Variants in SNX16 observed in about 807,000 individuals in gnomAD.
SNX16 encodes sorting nexin 16.
A neutral mutation model predicts 36.7 loss-of-function variants in SNX16; 35 were observed. The observed-to-expected ratio is 0.95, with a 90% CI of 0.73 to 1.27. The LOEUF is 1.27. SNX16 is among the 50% of genes most tolerant of loss of function. The pLI is 0.00. For missense variants in SNX16, 367 were observed against 393.6 expected, an observed-to-expected ratio of 0.93 and a Z score of 0.57; for synonymous variants, 134 against 132.0, an observed-to-expected ratio of 1.02 and a Z score of -0.10.
In SNX16 at chr8:81,817,031, T is replaced by G. The variant is rs186858473; in HGVS notation, c.612-1637A>C. ...GCTTCTATCCACCCATTATTTATAC[T>G]GGGGCACCTGCTATTACATACAAAT... is the stretch of plus-strand genomic sequence containing the variant. On this transcript the variant is annotated intron_variant, in intron 4 of 7. Coordinates refer to ENST00000345957, the MANE Select transcript of SNX16 (RefSeq NM_152836.3). Among the ~76,000 whole-genome samples, 9 of 152,294 alleles carry G rather than the reference T, an allele frequency of 5.9e-5. No individual in the cohort carries two copies. In the East Asian group the frequency reaches 1.7e-3, roughly 29 times the overall value.
chr8:81,815,291 C>G, intron 5 of SNX16, 34 bp downstream of exon 5: 2 of 1,514,778 alleles, frequency 1.3e-6, no homozygotes, highest in Non-Finnish European at 1.8e-6. Flanking sequence ...ATTAATTGTT[C>G]CTCTTTTCAT....
intron 2 of SNX16, among the ~76,000 whole-genome samples, chr8:81,832,430 G>A (rs1377601696): frequency 6.6e-6 from 1 of 152,086 alleles, no homozygotes; most frequent in African/African-American, 2.4e-5. Flanking sequence ...AGGATGAAGG[G>A]GGGAAGGAGT....
intron 5 of SNX16, among the ~76,000 whole-genome samples, chr8:81,809,891 T>G (rs978503811): frequency 3.9e-5 from 6 of 152,160 alleles, no homozygotes; most frequent in African/African-American, 1.2e-4. Context: ...GGGAGGTACC[T>G]TAGGAAAAAT....
intron 7 of SNX16, 102 bp downstream of exon 7, chr8:81,802,278 T>C (rs1809734653): frequency 1.3e-6 from 1 of 777,512 alleles, no homozygotes; most frequent in Non-Finnish European, 1.8e-6. Context: ...AGATTCGTGA[T>C]ACAGTAACAC....
chr8:81,836,213 G>C (rs1024899756), intron 2 of SNX16, among the ~76,000 whole-genome samples: 1 of 152,120 alleles, frequency 6.6e-6, no homozygotes, highest in Non-Finnish European at 1.5e-5. Context: ...CCTTTTTAAA[G>C]ACTAGACACC....
intron 5 of SNX16, among the ~76,000 whole-genome samples, chr8:81,806,995 T>G (rs936859376): frequency 1.2e-4 from 18 of 152,006 alleles, no homozygotes; most frequent in Non-Finnish European, 2.4e-4. Flanking sequence ...ATAGGAAGAT[T>G]CAATACTATA....
rs578156953 is a variant in SNX16 at position 81,808,726 on chromosome 8, G to T, written c.682-5498C>A. 1.0e-5 allele frequency: 12 copies of T among 1,147,478 alleles called. No individual in the cohort carries two copies. In the African/African-American group the frequency reaches 1.5e-4, roughly 14 times the overall value. The allele number at this position is 1,147,478 out of a possible 1,614,324, so 71.1% of individuals were successfully genotyped here. On this transcript the variant is annotated intron_variant, in intron 5 of 7. Coordinates refer to ENST00000345957, the MANE Select transcript of SNX16 (RefSeq NM_152836.3). ...AGCCGTAGCTATGGCAGTGGCAGAAGATTTTAATTAGGAAACAAAGCTCAG... is the reference window on the plus strand; with the variant it reads ...AGCCGTAGCTATGGCAGTGGCAGAATATTTTAATTAGGAAACAAAGCTCAG...
Position 81,828,970 on chromosome 8 carries a change from G to A in SNX16, c.462+460C>T, listed in dbSNP as rs554213018. 1.1e-4 allele frequency among the ~76,000 whole-genome samples: 16 copies of A among 152,244 alleles called. 1 individual carries two copies. Among genetic ancestry groups the A allele is most frequent in the Admixed American group, 1.0e-3 (16 of 15,292 alleles). Reference sequence around the variant, plus strand: ...AGGTAATTCTCCTCCAGAGCCTCCAGATAAGTGCCCAGCCCAGCTAACAGC... The same window carrying A: ...AGGTAATTCTCCTCCAGAGCCTCCAAATAAGTGCCCAGCCCAGCTAACAGC... On this transcript the variant is annotated intron_variant, in intron 3 of 7. Transcript: ENST00000345957.
At chr8:81,831,953 T>C (rs1443657268) in intron 2 of SNX16, among the ~76,000 whole-genome samples, 1 of 152,172 alleles carries the variant, frequency 6.6e-6, no homozygotes, top group African/African-American at 2.4e-5. Context: ...AGCACTTATA[T>C]ATTGCTGGTA....
chr8:81,803,875 G>A lies in SNX16; in HGVS notation c.682-647C>T, dbSNP rs542989162. Among the ~76,000 whole-genome samples, 346 of 151,714 alleles carry A rather than the reference G, an allele frequency of 2.3e-3. 3 individuals carry two copies. The highest frequency in any genetic ancestry group is 7.9e-3 in the African/African-American group (328 of 41,438). Reference sequence around the variant, plus strand: ...TCAATCTGGTTTCTAGGTGGGCGAGGTAAAGTCTCACCTGAAGAATCTAAT... The same window carrying A: ...TCAATCTGGTTTCTAGGTGGGCGAGATAAAGTCTCACCTGAAGAATCTAAT... On this transcript the variant is annotated intron_variant, in intron 5 of 7. Transcript: ENST00000345957.
chr8:81,801,622 T>C, intron 7 of SNX16, 29 bp from the exon 8 acceptor site: 1 of 1,286,736 alleles, frequency 7.8e-7, no homozygotes, highest in South Asian at 1.3e-5. Flanking sequence ...AAGGAACATA[T>C]CAATGATGGG....
At chr8:81,840,828 A>AC (rs1811718868) in intron 1 of SNX16, among the ~76,000 whole-genome samples, 1 of 152,236 alleles carries the variant, frequency 6.6e-6, no homozygotes, top group African/African-American at 2.4e-5. Flanking sequence ...TATCAAACGG[A>AC]CCAGTATATC....
chr8:81,837,579 T>A (rs769108776), intron 2 of SNX16, among the ~76,000 whole-genome samples: 4 of 152,194 alleles, frequency 2.6e-5, no homozygotes, highest in Non-Finnish European at 5.9e-5. Context: ...AGCTATGTCC[T>A]CAGATGTGTA....
chr8:81,813,855 T>G (rs1240773892), intron 5 of SNX16, among the ~76,000 whole-genome samples: 1 of 151,752 alleles, frequency 6.6e-6, no homozygotes, highest in Non-Finnish European at 1.5e-5. Context: ...AACATGAAAA[T>G]TAAAGCTATA....
At chr8:81,822,777 A>G (rs147493579) in intron 4 of SNX16, among the ~76,000 whole-genome samples, 28 of 152,012 alleles carry the variant, frequency 1.8e-4, no homozygotes, top group African/African-American at 5.1e-4. Flanking sequence ...ATATCTGAAG[A>G]TGTCGAGGAG....
intron 2 of SNX16, among the ~76,000 whole-genome samples, chr8:81,831,258 G>A (rs1023744909): frequency 7.2e-5 from 11 of 152,274 alleles, no homozygotes; most frequent in African/African-American, 2.4e-4. Flanking sequence ...AACAAAACTT[G>A]ATGTGAGACC....
intron 2 of SNX16, 64 bp from the exon 3 acceptor site, chr8:81,829,580 A>T: frequency 1.4e-6 from 1 of 693,610 alleles, no homozygotes; most frequent in South Asian, 3.2e-5. Context: ...TAAAAACTCA[A>T]GCCAAATATT....
intron 1 of SNX16, 82 bp from the exon 2 acceptor site, chr8:81,840,164 T>C: frequency 3.0e-6 from 2 of 662,894 alleles, no homozygotes; most frequent in Non-Finnish European, 4.8e-6. Context: ...TTCAATTTTA[T>C]GACACTATTA....
At chr8:81,802,623 T>C in intron 6 of SNX16, 124 bp from the exon 7 acceptor site, 1 of 641,844 alleles carries the variant, frequency 1.6e-6, no homozygotes, top group Non-Finnish European at 2.5e-6. Flanking sequence ...ACATAGCTAA[T>C]AAATAGCTCA....
Sources: gnomAD v4.1 joint callset for allele counts (sites outside exome capture counted in the v4.1 genomes callset) on GRCh38, gnomAD v4.1.1 for gene constraint, MANE v1.5 for transcripts, NCBI Gene and HGNC (gene_info 2026-07-23, HGNC 2026-07-21) for gene names.